The following USP7 variants were observed in gnomAD, a reference collection of about 807,000 sequenced individuals.
USP7 encodes the protein ubiquitin C-terminal hydrolase 7.
In USP7, 9 loss-of-function variants were observed where a neutral mutation model predicts 162.9. The observed-to-expected ratio is 0.06, with a 90% CI of 0.03 to 0.10. The LOEUF is 0.10. Ranked by LOEUF, USP7 falls within the 10% of genes least tolerant of loss-of-function variation. USP7 has a pLI of 1.00. For synonymous variants in USP7, 562 were observed against 475.9 expected, an observed-to-expected ratio of 1.18 and a Z score of -2.35; for missense variants, 715 against 1,373.7, an observed-to-expected ratio of 0.52 and a Z score of 7.58.
intron 4 of USP7, among the ~76,000 whole-genome samples, 194 bp downstream of exon 4, chr16:8,920,963 T>C (rs1226248657): frequency 6.6e-6 from 1 of 152,174 alleles, no homozygotes; most frequent in African/African-American, 2.4e-5. Context: ...GACTAAAAAG[T>C]GAGACGTGAA....
intron 1 of USP7, among the ~76,000 whole-genome samples, chr16:8,961,535 T>G (rs1900014966): frequency 1.4e-5 from 2 of 143,856 alleles, no homozygotes; most frequent in African/African-American, 2.6e-5. Flanking sequence ...TTGAAATTTG[T>G]GGACCTGGTC....
intron 2 of USP7, among the ~76,000 whole-genome samples, chr16:8,926,908 T>C (rs1284980216): frequency 6.6e-6 from 1 of 152,210 alleles, no homozygotes; most frequent in East Asian, 1.9e-4. Flanking sequence ...GAGACTCTTG[T>C]ACCAGGGGCA....
Position 8,905,197 on chromosome 16 carries a change from T to C in USP7, c.1563A>G (p.Glu521=), listed in dbSNP as rs1216351113. 1 of 1,613,952 alleles carries C rather than the reference T, an allele frequency of 6.2e-7. No homozygotes were observed. The highest frequency in any genetic ancestry group is 1.1e-5 in the South Asian group (1 of 91,084). Residue 521 remains glutamate, a synonymous_variant, in exon 14 of 31, where the codon GAA becomes GAG. Transcript: ENST00000344836. The part of the protein sequence containing the change: ...TNAYMLVYIR[E]SKLSEVLQAV... The stretch of plus-strand genomic sequence containing the variant: ...GTGAACACTACTCACTCAGTTTTGA[T>C]TCCCTGATGTAGACTAACATGTAAG...
chr16:8,902,264 T>C (rs1200468215), intron 17 of USP7, 77 bp from the exon 18 acceptor site: 2 of 1,584,182 alleles, frequency 1.3e-6, no homozygotes, highest in African/African-American at 2.7e-5. Flanking sequence ...AGTCAAGTAT[T>C]GAAGAAAACG....
chr16:8,933,507 T>A (rs974379111), intron 1 of USP7, among the ~76,000 whole-genome samples: 5 of 152,196 alleles, frequency 3.3e-5, no homozygotes, highest in Non-Finnish European at 7.3e-5. Flanking sequence ...ATTCAAAAGA[T>A]GTCTACAGAA....
At chr16:8,906,671 G>T (rs1308553023) in intron 12 of USP7, 89 bp from the exon 13 acceptor site, 3 of 1,324,868 alleles carry the variant, frequency 2.3e-6, no homozygotes, top group African/African-American at 2.9e-5. Context: ...TAATGTACTG[G>T]CTCATCTTTA....
At chr16:8,962,969 C>T (rs1008488882) in intron 1 of USP7, 9 of 227,944 alleles carry the variant, frequency 3.9e-5, no homozygotes, top group East Asian at 3.5e-4. Context: ...GCCGCGGAGG[C>T]CCGGCGGACG....
intron 10 of USP7, among the ~76,000 whole-genome samples, chr16:8,912,342 C>T (rs1395887545): frequency 6.6e-6 from 1 of 151,706 alleles, no homozygotes; most frequent in Non-Finnish European, 1.5e-5. Flanking sequence ...ATCCCAGCTA[C>T]TCAGGAGGCT....
chr16:8,962,368 C>G (rs1052751213), intron 1 of USP7: 1 of 241,362 alleles, frequency 4.1e-6, no homozygotes, highest in South Asian at 3.7e-5. Flanking sequence ...AAATCCAACA[C>G]CCTTCTCTTT....
rs1166937432 is a variant in USP7 at position 8,895,019 on chromosome 16, A to G, written c.3039+12T>C. ...TTTGACGTGAGCCACTCGGCCAACC[A>G]CAACAGCATACCTGGTGTATCCTCA... is the stretch of plus-strand genomic sequence containing the variant. On this transcript the variant is annotated intron_variant, in intron 28 of 30. Transcript: ENST00000344836. 2 of 1,614,108 alleles carry G rather than the reference A, an allele frequency of 1.2e-6. No individual in the cohort carries two copies. Among genetic ancestry groups the G allele is most frequent in the Non-Finnish European group, 1.7e-6 (2 of 1,180,048 alleles).
intron 1 of USP7, among the ~76,000 whole-genome samples, chr16:8,933,353 C>G (rs1050864173): frequency 2.0e-5 from 3 of 152,124 alleles, no homozygotes; most frequent in African/African-American, 7.2e-5. Context: ...CCGAGACCAA[C>G]ATGGGCAATA....
At chr16:8,951,778 G>C (rs1899565307) in intron 1 of USP7, among the ~76,000 whole-genome samples, 1 of 152,144 alleles carries the variant, frequency 6.6e-6, no homozygotes, top group Non-Finnish European at 1.5e-5. Flanking sequence ...GTTTGCTTTA[G>C]GAATGATTCA....
intron 1 of USP7, among the ~76,000 whole-genome samples, chr16:8,947,476 T>C (rs918649619): frequency 6.6e-6 from 1 of 151,996 alleles, no homozygotes; most frequent in Non-Finnish European, 1.5e-5. Context: ...AGCCTCCTGA[T>C]TAGCTGGACT....
intron 1 of USP7, among the ~76,000 whole-genome samples, chr16:8,947,371 A>G (rs1343767728): frequency 6.6e-6 from 1 of 151,818 alleles, no homozygotes; most frequent in African/African-American, 2.4e-5. Context: ...ACACACACAC[A>G]GGGTCTCACT....
chr16:8,929,234 C>A (rs540522002), intron 2 of USP7: 2 of 332,434 alleles, frequency 6.0e-6, no homozygotes, highest in African/African-American at 4.4e-5. Flanking sequence ...CCGCTTTCGG[C>A]ATCTCAGATG....
At chr16:8,919,765 T>A (rs1464978302) in intron 5 of USP7, among the ~76,000 whole-genome samples, 2 of 123,116 alleles carry the variant, frequency 1.6e-5, no homozygotes, top group Non-Finnish European at 3.3e-5. Context: ...CCCATCTCCC[T>A]CTGTACACAA....
chr16:8,902,614 G>A, intron 16 of USP7, 132 bp from the exon 17 acceptor site: 2 of 784,500 alleles, frequency 2.5e-6, no homozygotes, highest in Non-Finnish European at 3.8e-6. Context: ...CGTAGGCCAG[G>A]TGCTGTGGCT....
Position 8,898,523 on chromosome 16 carries a change from A to G in USP7, c.2640+8T>C. ...ATGACCCATAGTTACATTAATTTGG[A>G]CTCATACCTGCTGATAGTAAAGTTT... On this transcript the variant is annotated splice_region_variant and intron_variant, in intron 24 of 30. Transcript: ENST00000344836. The G allele has an allele frequency of 6.2e-7, 1 of 1,607,972 alleles. No homozygotes were observed. The highest frequency in any genetic ancestry group is 8.5e-7 in the Non-Finnish European group (1 of 1,177,430).
rs552749321 is a variant in USP7, at chr16:8,921,379, A to G, written c.384-84T>C. On this transcript the variant is annotated intron_variant, in intron 3 of 30. Coordinates refer to ENST00000344836, the MANE Select transcript of USP7 (RefSeq NM_003470.3). ...TTAAAGACAGTAAACATAGCACACC[A>G]AAATTCCCATTTATGATTTCATTGC... 1.6e-4 allele frequency: 237 copies of G among 1,478,328 alleles called. 1 individual carries two copies. The African/African-American group carries it at 2.5e-3, about 16-fold the overall frequency. The allele number at this position is 1,478,328 out of a possible 1,614,324, so 91.6% of individuals were successfully genotyped here.
Sources: gnomAD v4.1 joint callset for allele counts (sites outside exome capture counted in the v4.1 genomes callset) on GRCh38, gnomAD v4.1.1 for gene constraint, MANE v1.5 for transcripts, NCBI Gene and HGNC (gene_info 2026-07-23, HGNC 2026-07-21) for gene names.